RNF14: variants seen among roughly 807,000 people sequenced by gnomAD.
RNF14 encodes the protein ring finger protein 14.
RNF14 carries 26 observed loss-of-function variants against 52.6 expected under a neutral mutation model. The observed-to-expected ratio is 0.49, with a 90% CI of 0.36 to 0.69. The LOEUF (loss-of-function observed/expected upper bound fraction) is 0.69, where lower values mean the gene tolerates loss of function less well. Among genes scored for constraint, RNF14 ranks in the 30% least tolerant of loss-of-function variants. The pLI is 0.00. For missense variants in RNF14, 404 were observed against 560.4 expected, an observed-to-expected ratio of 0.72 and a Z score of 2.82; for synonymous variants, 194 against 202.0, an observed-to-expected ratio of 0.96 and a Z score of 0.34.
chr5:141,955,072 CCT>C (rs767176274), upstream of RNF14: 4 of 1,614,176 alleles, frequency 2.5e-6, no homozygotes. The surrounding 1 kb of genome is among the most constrained non-coding windows in gnomAD (Gnocchi z 5.5). Flanking sequence ...CTGACGGGGC[CCT>C]GATTCTTTCT....
At chr5:141,957,422 T>C (rs1315571317), upstream of RNF14, 1 of 1,612,990 alleles carries the variant, frequency 6.2e-7, no homozygotes, top group East Asian at 2.2e-5. The surrounding 1 kb of genome is among the most constrained non-coding windows in gnomAD (Gnocchi z 4.3). Context: ...CTCTCAGAGA[T>C]TTCCAGCTCC....
rs1725364436 is a variant in RNF14, at chr5:141,988,153, A to C, written c.*363A>C. ...AACTTAGAGACCCTTTGTCTCTGAGAAGCATCCTTCTAAGACATTCTGTTG... is the reference window on the plus strand; with the variant it reads ...AACTTAGAGACCCTTTGTCTCTGAGCAGCATCCTTCTAAGACATTCTGTTG... On this transcript the variant is annotated 3_prime_UTR_variant, in exon 9 of 9. Transcript: ENST00000394520. The C allele has an allele frequency of 9.6e-6, 2 of 208,618 alleles. No individual in the cohort carries two copies. Among genetic ancestry groups the C allele is most frequent in the Non-Finnish European group, 2.0e-5 (2 of 102,190 alleles). The allele number at this position is 208,618 out of a possible 1,614,324, so 12.9% of individuals were successfully genotyped here. A position where few individuals can be genotyped will look rare whatever the true frequency, so the allele number is the denominator to read the frequency against.
intron 4 of RNF14, among the ~76,000 whole-genome samples, chr5:141,975,332 G>T (rs1355887703): frequency 6.6e-6 from 1 of 152,118 alleles, no homozygotes; most frequent in Non-Finnish European, 1.5e-5. Context: ...TTAAATGAAA[G>T]ATTCCATTGT....
chr5:141,969,486 G>A (rs1303517655), intron 1 of RNF14: 1 of 152,308 alleles, frequency 6.6e-6, no homozygotes, highest in Non-Finnish European at 1.5e-5. Flanking sequence ...GCTAGCGTTG[G>A]GCCTGCCCCT....
At chr5:141,985,077 T>G (rs1274061742) in intron 8 of RNF14, 144 bp downstream of exon 8, 2 of 753,694 alleles carry the variant, frequency 2.7e-6, no homozygotes, top group South Asian at 4.3e-5. Context: ...ATTTTCATAT[T>G]ATTTTCTCAA....
At chr5:141,957,509 C>A, upstream of RNF14, 1 of 1,614,096 alleles carries the variant, frequency 6.2e-7, no homozygotes, top group South Asian at 1.1e-5. This position sits in a 1 kb window ranked among gnomAD's most constrained non-coding sequence, Gnocchi z 4.3. Context: ...AGAGCCAAAT[C>A]CCCTGTGGCA....
At chr5:141,967,773 A>G (rs978631845), upstream of RNF14, among the ~76,000 whole-genome samples, 1 of 152,264 alleles carries the variant, frequency 6.6e-6, no homozygotes, top group African/African-American at 2.4e-5. Flanking sequence ...GAAGGAGCCA[A>G]CATTTCTGTA....
chr5:141,961,934 A>G (rs1753278085), upstream of RNF14, among the ~76,000 whole-genome samples: 3 of 152,148 alleles, frequency 2.0e-5, 1 homozygote, highest in South Asian at 6.2e-4. Flanking sequence ...CTGGTCTTCC[A>G]GGCTTTCTCC....
In RNF14 at chr5:141,980,341, G is replaced by A. The variant is rs1247465577; in HGVS notation, c.1053G>A (p.Lys351=). Residue 351 remains lysine (K), a synonymous_variant, in exon 6 of 9, where the codon AAG becomes AAA. Coordinates refer to ENST00000394520, the MANE Select transcript of RNF14 (RefSeq NM_004290.5). ...CCTACCATGGGGTCTCCCCATGTAA[G>A]GTGACTGCAGGTATGTTTTAACTGT... is the stretch of plus-strand genomic sequence containing the variant. ...RLTYHGVSPC[K]VTAEKLMDLR... 1 of 1,613,348 alleles carries A rather than the reference G, an allele frequency of 6.2e-7. No individual in the cohort carries two copies. Among genetic ancestry groups the A allele is most frequent in the South Asian group, 1.1e-5 (1 of 91,058 alleles).
At chr5:141,960,246 G>C (rs1753257432) in intron 1 of RNF14, among the ~76,000 whole-genome samples, 3 of 152,216 alleles carry the variant, frequency 2.0e-5, no homozygotes. Flanking sequence ...AACAAGGCAA[G>C]GGGCTGACAG....
At chr5:141,984,264 A>G (rs901652057) in intron 7 of RNF14, among the ~76,000 whole-genome samples, 2 of 151,480 alleles carry the variant, frequency 1.3e-5, no homozygotes, top group Non-Finnish European at 2.9e-5. Context: ...CACCTGGCTA[A>G]TTTTTGTATT....
At chr5:141,957,685 T>C (rs1753210069), upstream of RNF14, 2 of 1,614,122 alleles carry the variant, frequency 1.2e-6, no homozygotes, top group Non-Finnish European at 1.7e-6. The surrounding 1 kb of genome is among the most constrained non-coding windows in gnomAD (Gnocchi z 4.3). Flanking sequence ...CCGCCTCTCC[T>C]CCCGGCCCAG....
At chr5:141,980,687 AGG>A (rs1463460010) in intron 6 of RNF14, among the ~76,000 whole-genome samples, 1 of 10,078 alleles carries the variant, frequency 9.9e-5, no homozygotes, top group Admixed American at 2.0e-3. Flanking sequence ...TAGGGAAAAC[AGG>A]GGAGGCCTCA....
At chr5:141,953,261 GA>G in the RNF14 span, 1 of 152,124 alleles carries the variant, frequency 6.6e-6, no homozygotes, top group African/African-American at 2.4e-5. Flanking sequence ...AGCATTCTGA[GA>G]AAATTACTCA....
At chr5:141,982,920 G>C (rs1754907280) in intron 6 of RNF14, among the ~76,000 whole-genome samples, 3 of 152,076 alleles carry the variant, frequency 2.0e-5, no homozygotes, top group African/African-American at 7.2e-5. Context: ...CATACTTCTA[G>C]ATGCATAAAC....
chr5:141,959,560 G>T (rs1753238097), intron 1 of RNF14, among the ~76,000 whole-genome samples: 1 of 152,210 alleles, frequency 6.6e-6, no homozygotes, highest in South Asian at 2.1e-4. Flanking sequence ...CTAAGCCCTT[G>T]GGGCCAGAGA....
upstream of RNF14, among the ~76,000 whole-genome samples, chr5:141,968,434 C>T (rs1415937287): frequency 6.6e-6 from 1 of 152,128 alleles, no homozygotes; most frequent in African/African-American, 2.4e-5. Flanking sequence ...TTAGTTCTTA[C>T]ATTTAGGTCG....
Position 141,987,772 on chromosome 5 carries a change from A to G in RNF14, c.1407A>G (p.Glu469=). The G allele has an allele frequency of 1.9e-6, 3 of 1,613,742 alleles. No individual in the cohort carries two copies. Among genetic ancestry groups the G allele is most frequent in the Non-Finnish European group, 2.5e-6 (3 of 1,179,992 alleles). Residue 469 remains glutamate, a synonymous_variant, in exon 9 of 9, where the codon GAA becomes GAG. Coordinates refer to ENST00000394520, the MANE Select transcript of RNF14 (RefSeq NM_004290.5). The part of the protein sequence containing the change: ...YAVDVDDDIW[E]DEVED The stretch of plus-strand genomic sequence containing the variant: ...TGGATGTTGACGACGATATTTGGGA[A>G]GATGAGGTAGAAGACTAGTTAACTA...
chr5:141,951,609 C>T, the RNF14 span: 1 of 1,569,812 alleles, frequency 6.4e-7, no homozygotes, highest in East Asian at 2.2e-5. Context: ...CAGGAAAAAT[C>T]TGTTGACTCC....
Sources: allele counts gnomAD v4.1 joint callset (sites outside exome capture counted in the v4.1 genomes callset), GRCh38; gene constraint gnomAD v4.1.1; non-coding constraint Gnocchi (gnomAD v3.1); transcripts MANE v1.5; gene names NCBI Gene and HGNC (gene_info 2026-07-23, HGNC 2026-07-21).